MOK: variants seen among roughly 807,000 people sequenced by gnomAD.
MOK encodes the protein MAPK/MAK/MRK overlapping kinase.
Under a neutral mutation model 54.2 loss-of-function variants are expected in MOK, and 59 were observed. The ratio of observed to expected loss-of-function variants is 1.09; its 90% confidence interval spans 0.88 to 1.35. MOK has a LOEUF of 1.35. Among genes scored for constraint, MOK ranks in the 40% most tolerant of loss-of-function variants. MOK has a pLI of 0.00. For missense variants in MOK, 517 were observed against 526.2 expected (o/e 0.98, Z 0.17); for synonymous variants, 210 against 202.7 (o/e 1.04, Z -0.31).
At chr14:102,281,361 TG>T (rs1441028197) in intron 2 of MOK, among the ~76,000 whole-genome samples, 1 of 151,496 alleles carries the variant, frequency 6.6e-6, no homozygotes, top group Non-Finnish European at 1.5e-5. Context: ...TCTAGGCATT[TG>T]GTGGCTTGCA....
chr14:102,278,824 T>C (rs1225280950), intron 2 of MOK: 5 of 399,840 alleles, frequency 1.3e-5, no homozygotes, highest in Non-Finnish European at 2.6e-5. Flanking sequence ...CTTACTATTA[T>C]TATCTCACGT....
chr14:102,280,370 G>A (rs985135346), intron 2 of MOK, among the ~76,000 whole-genome samples: 2 of 151,948 alleles, frequency 1.3e-5, no homozygotes, highest in Admixed American at 6.6e-5. Context: ...TACCGCGCCC[G>A]GCTGATTTTT....
chr14:102,244,666 A>G (rs138905340), intron 7 of MOK, among the ~76,000 whole-genome samples: 2,435 of 152,248 alleles, frequency 0.016, 37 homozygotes, highest in Non-Finnish European at 0.028. Flanking sequence ...GTCTAGATAG[A>G]CACTTTCACT....
chr14:102,214,931 C>G, the MOK span: 4 of 984,904 alleles, frequency 4.1e-6, no homozygotes, highest in Non-Finnish European at 4.8e-6. Context: ...TTACTACATA[C>G]TTGATATTCT....
intron 7 of MOK, among the ~76,000 whole-genome samples, chr14:102,244,841 G>GT (rs1270449704): frequency 6.6e-6 from 1 of 152,076 alleles, no homozygotes; most frequent in East Asian, 1.9e-4. Context: ...CAGGCTCTTG[G>GT]TATTCAGTGG....
intron 3 of MOK, 76 bp downstream of exon 3, chr14:102,265,747 T>C: frequency 8.3e-7 from 1 of 1,207,602 alleles, no homozygotes. Flanking sequence ...TCAAAATGTC[T>C]ACCATGGTTT....
rs1023779153 is a variant in MOK, at chr14:102,251,900, A to C, written c.362+17T>G. On this transcript the variant is annotated intron_variant, in intron 5 of 11. Coordinates refer to ENST00000361847, the MANE Select transcript of MOK (RefSeq NM_014226.3). The stretch of plus-strand genomic sequence containing the variant: ...CATTTTATTAATTTCAGAGCTGTCA[A>C]ATCTCCGAGAGCATACCTGTGAATA... 8 of 1,574,382 alleles carry C rather than the reference A, an allele frequency of 5.1e-6. No homozygotes were observed. In the African/African-American group the frequency reaches 8.1e-5, roughly 16 times the overall value.
At chr14:102,274,269 T>C (rs563207228) in intron 2 of MOK, among the ~76,000 whole-genome samples, 14 of 150,944 alleles carry the variant, frequency 9.3e-5, no homozygotes, top group Admixed American at 7.9e-4. Context: ...TTTTTTTTTT[T>C]TTTGAGACAG....
downstream of MOK, among the ~76,000 whole-genome samples, chr14:102,219,846 A>G (rs7154553): frequency 0.3 from 46,166 of 152,170 alleles, 8,922 homozygotes; most frequent in African/African-American, 0.56. Context: ...ACTACAGAAG[A>G]CGAGAGGAGG....
intron 7 of MOK, among the ~76,000 whole-genome samples, chr14:102,241,102 C>T (rs1170191319): frequency 1.3e-5 from 2 of 152,146 alleles, no homozygotes; most frequent in African/African-American, 2.4e-5. Flanking sequence ...AGGTGCCTGA[C>T]GTCCAGGCAT....
intron 1 of MOK, among the ~76,000 whole-genome samples, chr14:102,291,105 G>A (rs1027402853): frequency 6.6e-6 from 1 of 152,192 alleles, no homozygotes; most frequent in Non-Finnish European, 1.5e-5. Flanking sequence ...ACTGGCTAAT[G>A]TAAGGCAGGA....
intron 4 of MOK, among the ~76,000 whole-genome samples, chr14:102,263,253 G>A (rs537074967): frequency 2.0e-5 from 3 of 152,292 alleles, no homozygotes; most frequent in Admixed American, 6.5e-5. Flanking sequence ...CATGCCCACG[G>A]CGGGGCTGGC....
At position 102,238,962 on chromosome 14, in the gene MOK, AC is replaced by A. The variant is rs1342008895; in HGVS notation, c.591-5174del. On this transcript the variant is annotated intron_variant, in intron 7 of 11. Coordinates refer to ENST00000361847, the MANE Select transcript of MOK (RefSeq NM_014226.3). The surrounding 1 kb of genome is among the most constrained non-coding windows in gnomAD (Gnocchi z 4.8). ...TTCACCCACATGCCTCCCGTCAAAA[AC>A]ACAAGACTACTTCTCACTCTTATAG... Among the ~76,000 whole-genome samples, 1 of 152,124 alleles carries A rather than the reference AC, an allele frequency of 6.6e-6. No individual in the cohort carries two copies. Among genetic ancestry groups the A allele is most frequent in the Non-Finnish European group, 1.5e-5 (1 of 68,014 alleles).
chr14:102,250,700 A>G (rs1427471089), intron 7 of MOK, 112 bp downstream of exon 7: 1 of 1,095,054 alleles, frequency 9.1e-7, no homozygotes, highest in Non-Finnish European at 1.3e-6. Flanking sequence ...ACAGTAAAAC[A>G]GAAAGAAAAA....
intron 1 of MOK, among the ~76,000 whole-genome samples, chr14:102,301,460 C>T (rs1295341949): frequency 6.6e-6 from 1 of 152,140 alleles, no homozygotes; most frequent in African/African-American, 2.4e-5. Context: ...AAACACAGGG[C>T]ATCACCTAGA....
chr14:102,221,121 G>A (rs1169148930), downstream of MOK, among the ~76,000 whole-genome samples: 6 of 152,208 alleles, frequency 3.9e-5, no homozygotes, highest in Non-Finnish European at 8.8e-5. The surrounding 1 kb of genome is among the most constrained non-coding windows in gnomAD (Gnocchi z 4.8). Context: ...CTTCCTGTGG[G>A]TGGGGCTGCC....
Sources: allele counts gnomAD v4.1 joint callset (sites outside exome capture counted in the v4.1 genomes callset), GRCh38; gene constraint gnomAD v4.1.1; non-coding constraint Gnocchi (gnomAD v3.1); transcripts MANE v1.5; gene names NCBI Gene and HGNC (gene_info 2026-07-23, HGNC 2026-07-21).